COG5: variants seen among roughly 807,000 people sequenced by gnomAD.
COG5 encodes component of oligomeric golgi complex 5.
COG5 carries 86 observed loss-of-function variants against 110.4 expected under a neutral mutation model. That is an observed-to-expected ratio of 0.78 (90% CI 0.65 to 0.93). The LOEUF is 0.93. COG5 is among the 40% of genes least tolerant of loss of function. COG5 has a pLI of 0.00. For missense variants in COG5, 1,077 were observed against 987.0 expected (o/e 1.09, Z -1.22); for synonymous variants, 360 against 334.6 (o/e 1.08, Z -0.83).
At chr7:107,307,628 A>T (rs1285116886) in intron 11 of COG5, among the ~76,000 whole-genome samples, 1 of 152,174 alleles carries the variant, frequency 6.6e-6, no homozygotes, top group Non-Finnish European at 1.5e-5. Context: ...TAGCCACAGG[A>T]GGTCATTATT....
intron 6 of COG5, among the ~76,000 whole-genome samples, chr7:107,450,934 T>C (rs895840603): frequency 3.9e-5 from 6 of 152,156 alleles, no homozygotes; most frequent in African/African-American, 1.4e-4. Context: ...AGTAGACTAC[T>C]TGCGCCAACC....
At chr7:107,205,958 T>G (rs1046559754) in intron 21 of COG5, among the ~76,000 whole-genome samples, 6 of 151,898 alleles carry the variant, frequency 4.0e-5, no homozygotes, top group Admixed American at 2.0e-4. Context: ...GTAGCTGTTT[T>G]TTTTTTTTTT....
chr7:107,275,572 T>A (rs1348970656), intron 14 of COG5, among the ~76,000 whole-genome samples: 2 of 152,110 alleles, frequency 1.3e-5, no homozygotes, highest in African/African-American at 4.8e-5. Flanking sequence ...TTTAATTATT[T>A]TGAGATGGAG....
At chr7:107,292,921 G>T (rs1395818534) in intron 12 of COG5, among the ~76,000 whole-genome samples, 3 of 152,148 alleles carry the variant, frequency 2.0e-5, no homozygotes, top group Non-Finnish European at 4.4e-5. Context: ...ATGAGCTCTG[G>T]AAAACTTTGT....
chr7:107,488,725 T>C (rs1057374773), intron 6 of COG5, among the ~76,000 whole-genome samples: 78 of 152,126 alleles, frequency 5.1e-4, no homozygotes, highest in African/African-American at 1.8e-3. Context: ...TGCACGCCTG[T>C]AGTACCAACT....
At chr7:107,206,816 G>A (rs1363098170) in intron 21 of COG5, among the ~76,000 whole-genome samples, 1 of 152,188 alleles carries the variant, frequency 6.6e-6, no homozygotes, top group Non-Finnish European at 1.5e-5. Context: ...AAAAGATTAA[G>A]CTGCCCTCCC....
chr7:107,296,288 G>A (rs1328427996), intron 12 of COG5, among the ~76,000 whole-genome samples: 2 of 151,836 alleles, frequency 1.3e-5, no homozygotes, highest in African/African-American at 4.8e-5. Flanking sequence ...GGAAATAACT[G>A]TTACTGTTTG....
chr7:107,344,555 A>G (rs1811437067), intron 10 of COG5, among the ~76,000 whole-genome samples: 1 of 151,940 alleles, frequency 6.6e-6, no homozygotes, highest in African/African-American at 2.4e-5. Flanking sequence ...ACGGAGTTTC[A>G]CTCCTGTTGT....
intron 17 of COG5, among the ~76,000 whole-genome samples, chr7:107,247,928 C>G (rs1479637138): frequency 2.0e-5 from 3 of 152,090 alleles, no homozygotes; most frequent in African/African-American, 7.2e-5. Flanking sequence ...AGAGCCAAAG[C>G]AGGATTTGGA....
At chr7:107,514,456 C>A (rs1489249667) in intron 6 of COG5, among the ~76,000 whole-genome samples, 2 of 151,610 alleles carry the variant, frequency 1.3e-5, no homozygotes, top group Non-Finnish European at 2.9e-5. Flanking sequence ...TACATTTAAA[C>A]CTATTTTGTA....
Position 107,298,283 on chromosome 7 carries a change from T to C in COG5, c.1172A>G (p.Asp391Gly). 2 of 1,613,680 alleles carry C rather than the reference T, an allele frequency of 1.2e-6. No individual in the cohort carries two copies. The highest frequency in any genetic ancestry group is 1.7e-6 in the Non-Finnish European group (2 of 1,179,794). Residue 391 changes from aspartate (D) to glycine (G), a missense_variant, in exon 12 of 22, where the codon GAC (aspartate) becomes GGC (glycine). Physicochemically the swap from Asp to Gly is moderately conservative, Grantham distance 94. Coordinates refer to ENST00000297135, the MANE Select transcript of COG5 (RefSeq NM_006348.5). Reference sequence around the variant, plus strand: ...GTATTGTTGAAGACGCTTCCATAAGTCATTATAAAGACGTAATAATTTAGG... The same window carrying C: ...GTATTGTTGAAGACGCTTCCATAAGCCATTATAAAGACGTAATAATTTAGG... ...EYPKLLRLYNDLWKRLQQYSQ... is the reference protein window; with the variant it reads ...EYPKLLRLYNGLWKRLQQYSQ...
intron 6 of COG5, among the ~76,000 whole-genome samples, chr7:107,451,433 A>C (rs1475674932): frequency 6.6e-6 from 1 of 152,216 alleles, no homozygotes; most frequent in Non-Finnish European, 1.5e-5. Flanking sequence ...TCCATGTTAC[A>C]GGCGCTGAAA....
rs201478249 is a variant in COG5 at position 107,281,399 on chromosome 7, A to G, written c.1476T>C (p.Ser492=). Residue 492 remains serine (S), a splice_region_variant and synonymous_variant, in exon 14 of 22, where the codon AGT becomes AGC. Coordinates refer to ENST00000297135, the MANE Select transcript of COG5 (RefSeq NM_006348.5). ...ELDGIIKTIA[S]ELNVAAVDTN... ...TATCAACAGCAGCAACATTTAGTTC[A>G]CTGGAGAAAATGAAAACAGTTTTTA... The G allele has an allele frequency of 2.1e-5, 34 of 1,609,058 alleles. No homozygotes were observed. The Admixed American group carries it at 3.0e-4, about 14-fold the overall frequency.
Position 107,487,208 on chromosome 7 carries a change from C to T in COG5, c.538+40029G>A, listed in dbSNP as rs577087431. On this transcript the variant is annotated intron_variant, in intron 6 of 21. Coordinates refer to ENST00000297135, the MANE Select transcript of COG5 (RefSeq NM_006348.5). ...TGTATAAAAAATAGTTACAAACCAACATGGCAAAAGGAAAATAGGCAAAGA... is the reference window on the plus strand; with the variant it reads ...TGTATAAAAAATAGTTACAAACCAATATGGCAAAAGGAAAATAGGCAAAGA... Among the ~76,000 whole-genome samples, 11 of 152,156 alleles carry T rather than the reference C, an allele frequency of 7.2e-5. 3 individuals are homozygous for T. Among genetic ancestry groups the T allele is most frequent in the African/African-American group, 2.4e-4 (10 of 41,546 alleles).
At chr7:107,413,024 T>G (rs1453046509) in intron 6 of COG5, among the ~76,000 whole-genome samples, 1 of 151,816 alleles carries the variant, frequency 6.6e-6, no homozygotes, top group African/African-American at 2.4e-5. Context: ...TTTTAAGAGA[T>G]GGGGGAAGTC....
chr7:107,421,752 G>A (rs960706485), intron 6 of COG5, among the ~76,000 whole-genome samples: 6 of 148,252 alleles, frequency 4.0e-5, no homozygotes, highest in Admixed American at 3.3e-4. Flanking sequence ...GGAGACAGAA[G>A]GAGACTCCGT....
At chr7:107,295,064 C>CATATATAT (rs1806588618) in intron 12 of COG5, among the ~76,000 whole-genome samples, 2 of 54,384 alleles carry the variant, frequency 3.7e-5, no homozygotes, top group South Asian at 5.8e-4. Flanking sequence ...CACACACACA[C>CATATATAT]ACATATATAT....
chr7:107,370,227 G>T lies in COG5; in HGVS notation c.835+2368C>A, dbSNP rs114535730. Among the ~76,000 whole-genome samples, 812 of 152,112 alleles carry T rather than the reference G, an allele frequency of 5.3e-3. 8 individuals are homozygous for T. Among genetic ancestry groups the T allele is most frequent in the African/African-American group, 0.019 (790 of 41,492 alleles). ...TAGTGGTTGTGTTAGATACTCAACA[G>T]CTGTGAGCCATTCACTCTCAGAAAC... On this transcript the variant is annotated intron_variant, in intron 8 of 21. Transcript: ENST00000297135.
chr7:107,509,044 G>A (rs1381971655), intron 6 of COG5, among the ~76,000 whole-genome samples: 1 of 152,220 alleles, frequency 6.6e-6, no homozygotes, highest in Non-Finnish European at 1.5e-5. Context: ...AAAGCTGGAA[G>A]GAGAATGACT....
Sources: allele counts gnomAD v4.1 joint callset (sites outside exome capture counted in the v4.1 genomes callset), GRCh38; gene constraint gnomAD v4.1.1; transcripts MANE v1.5; gene names NCBI Gene and HGNC (gene_info 2026-07-23, HGNC 2026-07-21).